The following GUCY1A2 variants were observed in gnomAD, a reference collection of about 807,000 sequenced individuals.
The protein encoded by GUCY1A2 is guanylate cyclase soluble subunit alpha-2.
In GUCY1A2, 27 loss-of-function variants were observed where a neutral mutation model predicts 63.5. The observed-to-expected ratio is 0.43, with a 90% CI of 0.31 to 0.59. GUCY1A2 has a LOEUF of 0.59. Ranked by LOEUF, GUCY1A2 falls within the 20% of genes least tolerant of loss-of-function variation. GUCY1A2 has a pLI of 0.11. For missense variants in GUCY1A2, 768 were observed against 913.3 expected (o/e 0.84, Z 2.05); for synonymous variants, 364 against 343.5 (o/e 1.06, Z -0.66).
intron 4 of GUCY1A2, among the ~76,000 whole-genome samples, chr11:106,855,624 T>C (rs1859418974): frequency 6.6e-6 from 1 of 152,180 alleles, no homozygotes; most frequent in South Asian, 2.1e-4. Context: ...GATAGACACT[T>C]GTACTAAAAA....
Position 106,914,346 on chromosome 11 carries a change from A to G in GUCY1A2, c.1206+25114T>C, listed in dbSNP as rs1419118784. On this transcript the variant is annotated intron_variant, in intron 4 of 7. Coordinates refer to ENST00000526355, the MANE Select transcript of GUCY1A2 (RefSeq NM_000855.3). Reference sequence around the variant, plus strand: ...ATTAATGTGAAAGTGACCCTACTTTATAAGTTTTTTATGCAGACAAACAAA... The same window carrying G: ...ATTAATGTGAAAGTGACCCTACTTTGTAAGTTTTTTATGCAGACAAACAAA... 1.3e-5 allele frequency among the ~76,000 whole-genome samples: 2 copies of G among 152,128 alleles called. 1 individual carries two copies. Among genetic ancestry groups the G allele is most frequent in the Middle Eastern group, 6.3e-3 (2 of 316 alleles).
chr11:106,780,191 T>A (rs1864434300), intron 5 of GUCY1A2, among the ~76,000 whole-genome samples: 1 of 152,074 alleles, frequency 6.6e-6, no homozygotes, highest in South Asian at 2.1e-4. Flanking sequence ...GTGTGTAAAC[T>A]AAATATATAT....
intron 5 of GUCY1A2, among the ~76,000 whole-genome samples, chr11:106,788,819 T>G (rs1013389503): frequency 6.6e-6 from 1 of 152,224 alleles, no homozygotes; most frequent in Non-Finnish European, 1.5e-5. Context: ...GTAGTATAAT[T>G]TGAAGTCAGG....
intron 4 of GUCY1A2, among the ~76,000 whole-genome samples, chr11:106,928,848 T>C (rs1010575452): frequency 6.6e-6 from 1 of 152,226 alleles, no homozygotes; most frequent in Non-Finnish European, 1.5e-5. Flanking sequence ...ACCACTGTCA[T>C]ATATGCAGTC....
At chr11:106,904,618 T>A (rs1860178794) in intron 4 of GUCY1A2, among the ~76,000 whole-genome samples, 2 of 152,080 alleles carry the variant, frequency 1.3e-5, no homozygotes, top group Admixed American at 6.6e-5. Flanking sequence ...ATCCATCTAG[T>A]CTCCTAAAAT....
At chr11:106,836,283 A>C (rs1172627370) in intron 4 of GUCY1A2, among the ~76,000 whole-genome samples, 1 of 151,988 alleles carries the variant, frequency 6.6e-6, no homozygotes, top group Non-Finnish European at 1.5e-5. Flanking sequence ...TGATTAACAC[A>C]TATTTTGTAT....
chr11:106,807,138 T>A (rs1858699954), intron 5 of GUCY1A2, among the ~76,000 whole-genome samples: 1 of 152,190 alleles, frequency 6.6e-6, no homozygotes, highest in African/African-American at 2.4e-5. Flanking sequence ...ATGGTTATTC[T>A]ACATAATTAC....
intron 4 of GUCY1A2, among the ~76,000 whole-genome samples, chr11:106,861,383 AC>A (rs1198495870): frequency 1.3e-5 from 2 of 151,996 alleles, no homozygotes; most frequent in East Asian, 3.9e-4. Context: ...GTACTCAATA[AC>A]AAATCAGTAT....
chr11:106,949,978 T>C (rs543740562), intron 3 of GUCY1A2, among the ~76,000 whole-genome samples: 3 of 152,314 alleles, frequency 2.0e-5, no homozygotes, highest in Non-Finnish European at 2.9e-5. Flanking sequence ...GTGATAGAAA[T>C]TCATATGTGT....
chr11:106,873,514 C>T (rs1859708627), intron 4 of GUCY1A2, among the ~76,000 whole-genome samples: 1 of 151,976 alleles, frequency 6.6e-6, no homozygotes. Flanking sequence ...ATTTCTCGGA[C>T]GATCAGTGAT....
chr11:106,808,229 T>C (rs1250718755), intron 5 of GUCY1A2, among the ~76,000 whole-genome samples: 1 of 149,400 alleles, frequency 6.7e-6, no homozygotes, highest in Non-Finnish European at 1.5e-5. Flanking sequence ...ACAAGTTTAG[T>C]TTAAGAAAAG....
At position 106,676,033 on chromosome 11, in the gene GUCY1A2, A is replaced by G. The variant is rs904789756; in HGVS notation, c.*11516T>C. ...AAGCATATCTTTCCACAGAGGAACA[A>G]ATCATGTTTTTTTCTGTATAATTTT... On this transcript the variant is annotated 3_prime_UTR_variant, in exon 8 of 8. Coordinates refer to ENST00000526355, the MANE Select transcript of GUCY1A2 (RefSeq NM_000855.3). 66 of 187,350 alleles carry G rather than the reference A, an allele frequency of 3.5e-4. No individual in the cohort carries two copies. In the East Asian group the frequency reaches 5.4e-3, roughly 15 times the overall value. The allele number at this position is 187,350 out of a possible 1,614,324, so 11.6% of individuals were successfully genotyped here. A position where few individuals can be genotyped will look rare whatever the true frequency, so the allele number is the denominator to read the frequency against.
intron 1 of GUCY1A2, among the ~76,000 whole-genome samples, chr11:107,008,437 C>T (rs1343151207): frequency 1.3e-5 from 2 of 152,004 alleles, no homozygotes; most frequent in Admixed American, 6.6e-5. Context: ...ACTATATTCC[C>T]GTTTATGTCT....
At chr11:106,917,898 C>T (rs1860389621) in intron 4 of GUCY1A2, among the ~76,000 whole-genome samples, 1 of 137,606 alleles carries the variant, frequency 7.3e-6, no homozygotes, top group Non-Finnish European at 1.6e-5. Context: ...ACATATGTAA[C>T]TAACCTACAC....
At chr11:106,824,839 G>T (rs1181011934) in intron 4 of GUCY1A2, 2 of 1,609,698 alleles carry the variant, frequency 1.2e-6, no homozygotes, top group Non-Finnish European at 1.7e-6. Flanking sequence ...TCTGAACAAG[G>T]TGATAAAAAG....
intron 2 of GUCY1A2, among the ~76,000 whole-genome samples, chr11:106,984,607 T>G (rs1199690472): frequency 6.6e-6 from 1 of 152,228 alleles, no homozygotes; most frequent in Admixed American, 6.5e-5. Flanking sequence ...AGAGCATTCA[T>G]AATCCCAGAA....
chr11:106,858,849 A>G (rs1859471783), intron 4 of GUCY1A2, among the ~76,000 whole-genome samples: 1 of 152,094 alleles, frequency 6.6e-6, no homozygotes, highest in African/African-American at 2.4e-5. Context: ...TTTAGATAAC[A>G]GGTTTTCAGA....
At chr11:106,993,694 T>A (rs568195857) in intron 1 of GUCY1A2, among the ~76,000 whole-genome samples, 1 of 152,252 alleles carries the variant, frequency 6.6e-6, no homozygotes, top group Non-Finnish European at 1.5e-5. Flanking sequence ...AATTTTCCCA[T>A]CCGAAAAACA....
intron 2 of GUCY1A2, among the ~76,000 whole-genome samples, chr11:106,982,473 G>A (rs1199281091): frequency 6.6e-6 from 1 of 152,112 alleles, no homozygotes; most frequent in Non-Finnish European, 1.5e-5. Flanking sequence ...CTAGGTGGAG[G>A]AAAGACAGTG....
Sources: allele counts gnomAD v4.1 joint callset (sites outside exome capture counted in the v4.1 genomes callset), GRCh38; gene constraint gnomAD v4.1.1; transcripts MANE v1.5; gene names NCBI Gene and HGNC (gene_info 2026-07-23, HGNC 2026-07-21).